VOPP1: variants seen among roughly 807,000 people sequenced by gnomAD.
The protein encoded by VOPP1 is VOPP1 WW domain binding protein, also known as WW domain binding protein VOPP1.
In VOPP1, 8 loss-of-function variants were observed where a neutral mutation model predicts 23.5. The ratio of observed to expected loss-of-function variants is 0.34; its 90% CI spans 0.20 to 0.61. The LOEUF is 0.61. Among genes scored for constraint, VOPP1 ranks in the 20% least tolerant of loss-of-function variants. The probability of loss-of-function intolerance (pLI) is 0.78; values close to 1 mark genes in which losing one functional copy is unlikely to be tolerated. For missense variants in VOPP1, 174 were observed against 238.1 expected, an observed-to-expected ratio of 0.73 and a Z score of 1.77; for synonymous variants, 83 against 97.3, an observed-to-expected ratio of 0.85 and a Z score of 0.86.
chr7:55,444,999 G>A (rs111393317), intron 4 of VOPP1, among the ~76,000 whole-genome samples: 75 of 152,204 alleles, frequency 4.9e-4, no homozygotes, highest in African/African-American at 1.8e-3. Flanking sequence ...TGCTCTTTAT[G>A]TAAAAAGAGG....
At chr7:55,566,321 C>G (rs78713991) in intron 1 of VOPP1, among the ~76,000 whole-genome samples, 3 of 151,996 alleles carry the variant, frequency 2.0e-5, no homozygotes, top group East Asian at 1.9e-4. Context: ...CACTGTCCCC[C>G]CAAAATGGAC....
At chr7:55,530,341 A>T (rs1796429716) in intron 1 of VOPP1, among the ~76,000 whole-genome samples, 1 of 152,150 alleles carries the variant, frequency 6.6e-6, no homozygotes, top group Non-Finnish European at 1.5e-5. Context: ...ATGACCAATG[A>T]TGTAAGACTC....
At chr7:55,467,645 G>A (rs996201935), downstream of VOPP1, among the ~76,000 whole-genome samples, 5 of 152,268 alleles carry the variant, frequency 3.3e-5, no homozygotes, top group Admixed American at 6.5e-5. Flanking sequence ...ACAGATAAAA[G>A]TGAGCATTCA....
chr7:55,536,876 T>C (rs1440942113), intron 1 of VOPP1, among the ~76,000 whole-genome samples: 1 of 152,096 alleles, frequency 6.6e-6, no homozygotes, highest in East Asian at 1.9e-4. Context: ...GGGCATTCAA[T>C]GTAAGTGCCC....
intron 1 of VOPP1, among the ~76,000 whole-genome samples, chr7:55,547,868 T>A (rs1283302970): frequency 1.3e-5 from 2 of 152,236 alleles, no homozygotes; most frequent in Non-Finnish European, 2.9e-5. Flanking sequence ...CTGGGCAGGC[T>A]GTGCCCTGAG....
chr7:55,543,018 C>A (rs529341414), intron 1 of VOPP1, among the ~76,000 whole-genome samples: 2 of 152,142 alleles, frequency 1.3e-5, no homozygotes, highest in African/African-American at 4.8e-5. Flanking sequence ...CGGGTTCACA[C>A]CATTCTCCTG....
At chr7:55,558,169 C>T (rs1424109116) in intron 1 of VOPP1, among the ~76,000 whole-genome samples, 1 of 152,124 alleles carries the variant, frequency 6.6e-6, no homozygotes, top group Non-Finnish European at 1.5e-5. Flanking sequence ...CACTACTCTA[C>T]TGTGTACTTA....
intron 1 of VOPP1, among the ~76,000 whole-genome samples, chr7:55,550,264 G>A (rs1284748979): frequency 6.6e-6 from 1 of 152,244 alleles, no homozygotes; most frequent in African/African-American, 2.4e-5. Context: ...TCTGGCAGGT[G>A]CCACCCTCTG....
intron 4 of VOPP1, among the ~76,000 whole-genome samples, chr7:55,489,662 C>T (rs1793420832): frequency 1.3e-5 from 2 of 152,138 alleles, no homozygotes; most frequent in Admixed American, 6.5e-5. Flanking sequence ...TGGGCCAAGA[C>T]AGCAATTCAG....
At chr7:55,550,016 T>A (rs1221623279) in intron 1 of VOPP1, among the ~76,000 whole-genome samples, 1 of 152,090 alleles carries the variant, frequency 6.6e-6, no homozygotes, top group Non-Finnish European at 1.5e-5. Flanking sequence ...CTCCTCAGCA[T>A]GATAGCCTGA....
At chr7:55,519,501 A>T (rs1484593831) in intron 2 of VOPP1, among the ~76,000 whole-genome samples, 1 of 152,222 alleles carries the variant, frequency 6.6e-6, no homozygotes, top group Non-Finnish European at 1.5e-5. Context: ...CATTTGCGCA[A>T]AAAGCTAAAC....
intron 1 of VOPP1, among the ~76,000 whole-genome samples, chr7:55,532,662 G>GA (rs11287277): frequency 6.7e-6 from 1 of 150,276 alleles, no homozygotes; most frequent in Non-Finnish European, 1.5e-5. Flanking sequence ...CCCTGGTGTG[G>GA]AAAAATACAG....
intron 4 of VOPP1, among the ~76,000 whole-genome samples, chr7:55,491,959 C>T (rs943735662): frequency 7.9e-5 from 12 of 152,006 alleles, no homozygotes; most frequent in African/African-American, 2.4e-4. Flanking sequence ...GGGGTATTAC[C>T]GCTCCTACAC....
chr7:55,457,961 G>A (rs1157592113), intron 4 of VOPP1, among the ~76,000 whole-genome samples: 1 of 151,944 alleles, frequency 6.6e-6, no homozygotes, highest in Non-Finnish European at 1.5e-5. Flanking sequence ...AGTCCCATTT[G>A]TCTATTTTTG....
At chr7:55,572,171 T>C in intron 1 of VOPP1, 100 bp downstream of exon 1, 1 of 981,150 alleles carries the variant, frequency 1.0e-6, no homozygotes, top group Non-Finnish European at 1.4e-6. Context: ...CCGTCTGCGC[T>C]CCCAGGCAAG....
At chr7:55,436,215 C>T (rs1790818107) in intron 4 of VOPP1, 1 of 152,206 alleles carries the variant, frequency 6.6e-6, no homozygotes, top group Non-Finnish European at 1.5e-5. Flanking sequence ...ATTTTACAGC[C>T]AACCCAGGGT....
At chr7:55,436,631 CGTGTGT>C (rs375341872) in intron 4 of VOPP1, among the ~76,000 whole-genome samples, 8 of 134,900 alleles carry the variant, frequency 5.9e-5, no homozygotes, top group South Asian at 2.3e-4. Flanking sequence ...TGTGTGTGTG[CGTGTGT>C]GTGCGTGCGT....
intron 4 of VOPP1, among the ~76,000 whole-genome samples, chr7:55,452,486 C>T (rs1791268478): frequency 6.6e-6 from 1 of 152,142 alleles, no homozygotes; most frequent in South Asian, 2.1e-4. Context: ...ATAGTAAATC[C>T]TTTCCAGAAG....
chr7:55,530,401 G>A (rs1321008434), intron 1 of VOPP1, among the ~76,000 whole-genome samples: 1 of 152,078 alleles, frequency 6.6e-6, no homozygotes, highest in East Asian at 1.9e-4. Flanking sequence ...TGCCATACAT[G>A]GAATGCCTGT....
Sources: allele counts gnomAD v4.1 joint callset (sites outside exome capture counted in the v4.1 genomes callset), GRCh38; gene constraint gnomAD v4.1.1; transcripts MANE v1.5; gene names NCBI Gene and HGNC (gene_info 2026-07-23, HGNC 2026-07-21).